TIAM1: variants seen among roughly 807,000 people sequenced by gnomAD.
TIAM1 encodes the protein rho guanine nucleotide exchange factor TIAM1.
In TIAM1, 65 loss-of-function variants were observed where a neutral mutation model predicts 163.5. That is an observed-to-expected ratio of 0.40 (90% CI 0.33 to 0.49). TIAM1 has a LOEUF of 0.49. TIAM1 is among the 20% of genes least tolerant of loss of function. The pLI is 0.77. For synonymous variants in TIAM1, 833 were observed against 810.1 expected, an observed-to-expected ratio of 1.03 and a Z score of -0.48; for missense variants, 1,789 against 2,044.7, an observed-to-expected ratio of 0.87 and a Z score of 2.41.
At chr21:31,533,378 G>T (rs1394455220) in intron 1 of TIAM1, among the ~76,000 whole-genome samples, 20 of 152,164 alleles carry the variant, frequency 1.3e-4, no homozygotes. Context: ...AAAGTTAAAA[G>T]GTTAAACAGA....
chr21:31,371,267 TATC>T (rs2076592176), intron 2 of TIAM1, among the ~76,000 whole-genome samples: 1 of 152,220 alleles, frequency 6.6e-6, no homozygotes, highest in Non-Finnish European at 1.5e-5. Flanking sequence ...CGACTCTCCT[TATC>T]ATTCAGGCAA....
chr21:31,516,757 G>C (rs1041552909), intron 1 of TIAM1, among the ~76,000 whole-genome samples: 4 of 151,216 alleles, frequency 2.6e-5, no homozygotes, highest in Admixed American at 2.6e-4. Context: ...AAAATCCTTA[G>C]AAATATAATG....
intron 1 of TIAM1, among the ~76,000 whole-genome samples, chr21:31,556,006 G>A (rs962827352): frequency 6.6e-6 from 1 of 152,086 alleles, no homozygotes; most frequent in Non-Finnish European, 1.5e-5. Flanking sequence ...GGAAAGGAGA[G>A]GAAGTCTTTG....
At chr21:31,181,930 G>A (rs2085049643) in intron 15 of TIAM1, among the ~76,000 whole-genome samples, 1 of 150,062 alleles carries the variant, frequency 6.7e-6, no homozygotes, top group Non-Finnish European at 1.5e-5. Flanking sequence ...AACTACAGAT[G>A]CTCTCCACTA....
chr21:31,300,067 G>A (rs1476311818), intron 2 of TIAM1, among the ~76,000 whole-genome samples: 1 of 152,116 alleles, frequency 6.6e-6, no homozygotes, highest in East Asian at 1.9e-4. Flanking sequence ...CTGGATCACG[G>A]GGGAGGATTT....
chr21:31,168,991 T>C (rs185359661), intron 15 of TIAM1, among the ~76,000 whole-genome samples: 139 of 152,248 alleles, frequency 9.1e-4, no homozygotes, highest in South Asian at 1.9e-3. Context: ...CTTAAAATAT[T>C]TTTTTAAAAG....
intron 6 of TIAM1, among the ~76,000 whole-genome samples, chr21:31,243,192 C>CAA (rs60242603): frequency 3.2e-4 from 32 of 100,946 alleles, no homozygotes; most frequent in East Asian, 2.4e-3. Flanking sequence ...AACTTCATCT[C>CAA]AAAAAAAAAA....
chr21:31,450,072 G>T (rs745661842), intron 2 of TIAM1, among the ~76,000 whole-genome samples: 1 of 152,116 alleles, frequency 6.6e-6, no homozygotes, highest in African/African-American at 2.4e-5. Context: ...CTCGTGAATC[G>T]TGCAGCTGCA....
chr21:31,269,667 G>GTTTTTTTTTTTTTTTTTTTTT (rs1383457242), intron 3 of TIAM1, among the ~76,000 whole-genome samples: 1 of 130,590 alleles, frequency 7.7e-6, no homozygotes, highest in Non-Finnish European at 1.6e-5. Flanking sequence ...CTTTAAGTTT[G>GTTTTTTTTTTTTTTTTTTTTT]TTTGTTTTTT....
In TIAM1 at chr21:31,415,764, G is replaced by A. The variant is rs112938826; in HGVS notation, c.-369+48219C>T. Among the ~76,000 whole-genome samples the A allele has an allele frequency of 2.5e-3, 373 of 152,238 alleles. 2 individuals carry two copies. Among genetic ancestry groups the A allele is most frequent in the African/African-American group, 8.6e-3 (359 of 41,560 alleles). On this transcript the variant is annotated intron_variant, in intron 2 of 28. Transcript: ENST00000286827. ...ACTGGTCAGGGAAGATAATTTGAAC[G>A]TTTGAGCTCCTGGGTGATGTGGGGA...
At chr21:31,387,935 G>A (rs552966159) in intron 2 of TIAM1, among the ~76,000 whole-genome samples, 30 of 152,204 alleles carry the variant, frequency 2.0e-4, no homozygotes, top group Admixed American at 1.1e-3. Flanking sequence ...GCCCGAGCAC[G>A]ACTTCTGTGA....
rs186693275 is a variant in TIAM1, at chr21:31,285,274, G to T, written c.-188-8366C>A. Among the ~76,000 whole-genome samples the T allele has an allele frequency of 3.8e-4, 58 of 152,286 alleles. 2 individuals carry two copies. In the East Asian group the frequency reaches 5.0e-3, roughly 13 times the overall value. On this transcript the variant is annotated intron_variant, in intron 2 of 27. Transcript: ENST00000541036. ...GAATCAGGGAAGAGCTTGTGGGGGGGGCGGTGAGGCCATGAACTCAAGAGG... is the reference window on the plus strand; with the variant it reads ...GAATCAGGGAAGAGCTTGTGGGGGGTGCGGTGAGGCCATGAACTCAAGAGG...
chr21:31,347,960 G>A (rs140652403), upstream of TIAM1, among the ~76,000 whole-genome samples: 57 of 152,340 alleles, frequency 3.7e-4, no homozygotes, highest in African/African-American at 1.3e-3. Context: ...TATGTGGCAT[G>A]TGGAGAAAAG....
chr21:31,362,569 C>T (rs1310299395), intron 2 of TIAM1, among the ~76,000 whole-genome samples: 3 of 151,788 alleles, frequency 2.0e-5, no homozygotes, highest in African/African-American at 7.3e-5. Flanking sequence ...CGGGTTCAAG[C>T]GATTCTCCTG....
chr21:31,213,973 A>G (rs34202967), intron 9 of TIAM1, among the ~76,000 whole-genome samples: 34,771 of 151,602 alleles, frequency 0.23, 6,661 homozygotes, highest in African/African-American at 0.5. Context: ...ACAAGATCAC[A>G]TCACTGAACT....
At chr21:31,259,448 T>A (rs2072319092) in intron 4 of TIAM1, among the ~76,000 whole-genome samples, 1 of 151,822 alleles carries the variant, frequency 6.6e-6, no homozygotes, top group African/African-American at 2.4e-5. Context: ...AAGAATGTGA[T>A]CCTCAAAAGC....
At chr21:31,186,424 A>C (rs2085307972) in intron 14 of TIAM1, among the ~76,000 whole-genome samples, 1 of 152,136 alleles carries the variant, frequency 6.6e-6, no homozygotes, top group South Asian at 2.1e-4. Flanking sequence ...GGATCCCCAC[A>C]CCATCCTAGA....
intron 1 of TIAM1, among the ~76,000 whole-genome samples, chr21:31,498,469 C>T (rs1461252623): frequency 6.6e-6 from 1 of 152,192 alleles, no homozygotes; most frequent in Non-Finnish European, 1.5e-5. Flanking sequence ...CTTAAGGAAA[C>T]CCACAGTTGC....
intron 5 of TIAM1, among the ~76,000 whole-genome samples, chr21:31,250,201 G>A (rs2071723917): frequency 6.6e-6 from 1 of 150,824 alleles, no homozygotes. Flanking sequence ...GAATAGCTGA[G>A]CAACAAAACT....
Sources: allele counts gnomAD v4.1 joint callset (sites outside exome capture counted in the v4.1 genomes callset), GRCh38; gene constraint gnomAD v4.1.1; transcripts MANE v1.5; gene names NCBI Gene and HGNC (gene_info 2026-07-23, HGNC 2026-07-21).